The following LARP4B variants were observed in gnomAD, a reference collection of about 807,000 sequenced individuals.
The protein encoded by LARP4B is La ribonucleoprotein 4B, also known as la-related protein 4B.
A neutral mutation model predicts 89.8 loss-of-function variants in LARP4B; 12 were observed. That is an observed-to-expected ratio of 0.13 (90% CI 0.09 to 0.22). The LOEUF is 0.22. Ranked by LOEUF, LARP4B falls within the 10% of genes least tolerant of loss-of-function variation. LARP4B has a pLI of 1.00. For missense variants in LARP4B, 757 were observed against 947.7 expected (o/e 0.80, Z 2.64); for synonymous variants, 367 against 363.3 (o/e 1.01, Z -0.12).
chr10:833,286 C>CAAAAA (rs1833021950), intron 8 of LARP4B, among the ~76,000 whole-genome samples: 2 of 57,354 alleles, frequency 3.5e-5, no homozygotes, highest in Non-Finnish European at 3.7e-5. Context: ...AAAAAAAAAC[C>CAAAAA]TCAAAATGTT....
chr10:928,743 G>A (rs1481206322), intron 1 of LARP4B, among the ~76,000 whole-genome samples: 1 of 152,008 alleles, frequency 6.6e-6, no homozygotes, highest in Admixed American at 6.6e-5. Flanking sequence ...ACCATGCCTG[G>A]CTAATTTTTT....
At chr10:986,915 G>A in the LARP4B span, 3 of 146,714 alleles carry the variant, frequency 2.0e-5, no homozygotes, top group East Asian at 6.1e-4. Flanking sequence ...GCTCCAGCCT[G>A]CGCGACAGAG....
the LARP4B span, among the ~76,000 whole-genome samples, chr10:950,497 A>G: frequency 1.3e-5 from 2 of 152,230 alleles, no homozygotes; most frequent in Non-Finnish European, 2.9e-5. Flanking sequence ...TTGTCTGTAC[A>G]TAGAGATTTT....
chr10:884,562 A>G (rs1409913294), intron 2 of LARP4B, 56 bp from the exon 3 acceptor site: 2 of 1,204,974 alleles, frequency 1.7e-6, no homozygotes, highest in African/African-American at 1.5e-5. Flanking sequence ...GAAACAACAT[A>G]TTTTCAAACC....
At chr10:876,988 A>T (rs1564426080) in intron 3 of LARP4B, among the ~76,000 whole-genome samples, 1 of 152,060 alleles carries the variant, frequency 6.6e-6, no homozygotes, top group Non-Finnish European at 1.5e-5. Context: ...TCAAGCCACC[A>T]CTGGGCCCAC....
chr10:965,625 G>T, the LARP4B span, among the ~76,000 whole-genome samples: 1 of 152,040 alleles, frequency 6.6e-6, no homozygotes, highest in Non-Finnish European at 1.5e-5. Context: ...GCACTAACCA[G>T]GTGCTGATTA....
At chr10:862,436 A>G (rs1193592225) in intron 5 of LARP4B, among the ~76,000 whole-genome samples, 3 of 152,024 alleles carry the variant, frequency 2.0e-5, no homozygotes, top group South Asian at 4.2e-4. Context: ...GGTCACTGGG[A>G]TAACGAAAAG....
the LARP4B span, among the ~76,000 whole-genome samples, chr10:956,526 T>C: frequency 1.3e-5 from 2 of 152,014 alleles, no homozygotes; most frequent in African/African-American, 4.8e-5. The surrounding 1 kb of genome is among the most constrained non-coding windows in gnomAD (Gnocchi z 4.3). Context: ...TTTGTATTTT[T>C]AGTAGAGATG....
At chr10:806,923 G>GTCTTCCTAC, downstream of LARP4B, 1 of 152,430 alleles carries the variant, frequency 6.6e-6, no homozygotes, top group Non-Finnish European at 1.5e-5. Flanking sequence ...GGAAGAGAAA[G>GTCTTCCTAC]GGCAGATGTA....
the LARP4B span, among the ~76,000 whole-genome samples, chr10:948,083 C>G: frequency 2.0e-5 from 3 of 148,290 alleles, no homozygotes; most frequent in African/African-American, 7.5e-5. Context: ...CGACTGCCCA[C>G]CGCCCACCAC....
the LARP4B span, among the ~76,000 whole-genome samples, chr10:981,638 T>G: frequency 6.6e-6 from 1 of 152,202 alleles, no homozygotes; most frequent in Admixed American, 6.5e-5. Context: ...TGGTACGATC[T>G]CGGCTCACCG....
chr10:959,869 G>A, the LARP4B span, among the ~76,000 whole-genome samples: 6 of 100,106 alleles, frequency 6.0e-5, no homozygotes, highest in Admixed American at 2.3e-4. Context: ...CCACCTCCTC[G>A]TCAATCCACC....
intron 1 of LARP4B, among the ~76,000 whole-genome samples, chr10:909,085 G>C (rs553035527): frequency 2.6e-5 from 4 of 152,128 alleles, no homozygotes; most frequent in East Asian, 1.9e-4. Context: ...ACAAGGTCAG[G>C]AGATCAAGAT....
At chr10:873,422 C>T (rs11253485) in intron 3 of LARP4B, 186,279 of 983,638 alleles carry the variant, frequency 0.19, 18,293 homozygotes, top group Non-Finnish European at 0.2. Context: ...TTTTTTCTTA[C>T]TCTCATAAAC....
chr10:850,459 CA>C (rs371006087), intron 5 of LARP4B, among the ~76,000 whole-genome samples: 3 of 152,198 alleles, frequency 2.0e-5, no homozygotes, highest in South Asian at 4.1e-4. Context: ...CAAGAGGCCA[CA>C]AAAAAGTCTT....
chr10:958,242 T>G, the LARP4B span, among the ~76,000 whole-genome samples: 1 of 152,208 alleles, frequency 6.6e-6, no homozygotes, highest in East Asian at 1.9e-4. Context: ...GCTGGTCAGC[T>G]GCTCCCTGGC....
the LARP4B span, among the ~76,000 whole-genome samples, chr10:949,268 C>T: frequency 1.3e-5 from 2 of 150,698 alleles, no homozygotes; most frequent in East Asian, 4.0e-4. Context: ...TGAGTGATCT[C>T]CAACCCGTTT....
intron 1 of LARP4B, among the ~76,000 whole-genome samples, chr10:922,169 C>T (rs1035766828): frequency 6.6e-6 from 1 of 152,178 alleles, no homozygotes; most frequent in African/African-American, 2.4e-5. Flanking sequence ...AAGGAGCATG[C>T]GACCTAGATC....
chr10:826,642 C>T (rs1479382114), intron 11 of LARP4B, among the ~76,000 whole-genome samples: 1 of 152,318 alleles, frequency 6.6e-6, no homozygotes, highest in Admixed American at 6.5e-5. Flanking sequence ...TTCTAATTCT[C>T]TGGCTTCTGG....
Sources: gnomAD v4.1 joint callset for allele counts (sites outside exome capture counted in the v4.1 genomes callset) on GRCh38, gnomAD v4.1.1 for gene constraint, Gnocchi (gnomAD v3.1) non-coding constraint, MANE v1.5 for transcripts, NCBI Gene and HGNC (gene_info 2026-07-23, HGNC 2026-07-21) for gene names.